SLC1A4: variants seen among roughly 807,000 people sequenced by gnomAD.
SLC1A4 encodes the protein solute carrier family 1 member 4, also known as neutral amino acid transporter A.
Under a neutral mutation model 37.7 loss-of-function variants are expected in SLC1A4, and 19 were observed. The observed-to-expected ratio is 0.50, with a 90% confidence interval of 0.35 to 0.74. The LOEUF (loss-of-function observed/expected upper bound fraction) is 0.74. Among genes scored for constraint, SLC1A4 ranks in the 30% least tolerant of loss-of-function variants. SLC1A4 has a pLI of 0.01. For synonymous variants in SLC1A4, 299 were observed against 309.8 expected, an observed-to-expected ratio of 0.97 and a Z score of 0.37; for missense variants, 570 against 712.9, an observed-to-expected ratio of 0.80 and a Z score of 2.28.
chr2:65,019,120 T>C (rs1299587293), intron 7 of SLC1A4, among the ~76,000 whole-genome samples: 2 of 152,194 alleles, frequency 1.3e-5, no homozygotes, highest in Non-Finnish European at 2.9e-5. Context: ...TGTGAGTGAC[T>C]TGGGCTTGGG....
chr2:65,000,292 C>T (rs1177616700), intron 1 of SLC1A4: 2 of 152,138 alleles, frequency 1.3e-5, no homozygotes, highest in African/African-American at 4.8e-5. Flanking sequence ...AGCTCGATTG[C>T]CCTACTTTTA....
At chr2:65,003,753 G>A (rs912672840) in intron 2 of SLC1A4, among the ~76,000 whole-genome samples, 200 bp from the exon 3 acceptor site, 2 of 152,196 alleles carry the variant, frequency 1.3e-5, no homozygotes, top group Non-Finnish European at 2.9e-5. Flanking sequence ...GAGACCTCTT[G>A]AAGTATCTGC....
chr2:64,989,500 C>T lies in SLC1A4; in HGVS notation c.-144C>T. 2 of 667,110 alleles carry T rather than the reference C, an allele frequency of 3.0e-6. No homozygotes were observed. Among genetic ancestry groups the T allele is most frequent in the South Asian group, 4.0e-5 (1 of 25,156 alleles). 41.3% of individuals were successfully genotyped at this position (667,110 alleles called of 1,614,324 possible). ...TCTCCTCGCCTTTCTCGCACCTGCT[C>T]CTGCGCCAGGCCCGGAGACCCCCGG... On this transcript the variant is annotated 5_prime_UTR_variant, in exon 1 of 8. Transcript: ENST00000234256.
rs997428335 is a variant in SLC1A4 at position 65,018,804 on chromosome 2, A to C, written c.1364+125A>C. On this transcript the variant is annotated intron_variant, in intron 7 of 7. Transcript: ENST00000234256. This position sits in a 1 kb window ranked among gnomAD's most constrained non-coding sequence, Gnocchi z 4.3. ...ACTCCAGCCTTGTGAAGGAGGCTAC[A>C]GTGGAGCTAAAAGGGCAAGATTTAG... 3 of 1,153,294 alleles carry C rather than the reference A, an allele frequency of 2.6e-6. No homozygotes were observed. The highest frequency in any genetic ancestry group is 3.7e-6 in the Non-Finnish European group (3 of 815,262). The allele number at this position is 1,153,294 out of a possible 1,614,324, so 71.4% of individuals were successfully genotyped here.
intron 1 of SLC1A4, among the ~76,000 whole-genome samples, chr2:64,992,939 AC>A (rs1673113902): frequency 6.6e-6 from 1 of 152,216 alleles, no homozygotes; most frequent in African/African-American, 2.4e-5. Flanking sequence ...GTCCCAAGCC[AC>A]CCGGAAATGC....
chr2:65,021,159 T>C lies in SLC1A4; in HGVS notation c.*13T>C. On this transcript the variant is annotated 3_prime_UTR_variant, in exon 8 of 8. Coordinates refer to ENST00000234256, the MANE Select transcript of SLC1A4 (RefSeq NM_003038.5). ...GTCGGTTCTGTGATGGGGCTGGGCT[T>C]TGGGCTTGCCTGCCAGCAGTGATGT... 6.2e-7 allele frequency: 1 copy of C among 1,604,534 alleles called. No individual in the cohort carries two copies.
At chr2:65,009,881 CTG>C (rs1673846350) in intron 3 of SLC1A4, among the ~76,000 whole-genome samples, 1 of 151,822 alleles carries the variant, frequency 6.6e-6, no homozygotes, top group Non-Finnish European at 1.5e-5. Context: ...CAACAAAACT[CTG>C]TGGATATTTA....
At chr2:65,001,061 A>G in intron 1 of SLC1A4, 1 of 175,622 alleles carries the variant, frequency 5.7e-6, no homozygotes, top group Non-Finnish European at 1.2e-5. Context: ...GAGTACCATG[A>G]GAGAGATGGA....
chr2:65,018,794 AG>A lies in SLC1A4; in HGVS notation c.1364+117del. On this transcript the variant is annotated intron_variant, in intron 7 of 7. Transcript: ENST00000234256. This position sits in a 1 kb window ranked among gnomAD's most constrained non-coding sequence, Gnocchi z 4.3. ...CTTCAGACACACTCCAGCCTTGTGA[AG>A]GAGGCTACAGTGGAGCTAAAAGGGC... 8.0e-7 allele frequency: 1 copy of A among 1,254,598 alleles called. No individual in the cohort carries two copies. Among genetic ancestry groups the A allele is most frequent in the Non-Finnish European group, 1.1e-6 (1 of 899,462 alleles). The allele number at this position is 1,254,598 out of a possible 1,614,324, so 77.7% of individuals were successfully genotyped here.
At position 64,989,896 on chromosome 2, in the gene SLC1A4, A is replaced by G. The variant is rs969363795; in HGVS notation, c.253A>G (p.Met85Val). The change falls in exon 1 of 8, where the codon ATG becomes GTG. Residue 85 changes from methionine (M) to valine (V), a missense_variant. Physicochemically the swap from Met to Val is conservative, Grantham distance 21. Transcript: ENST00000234256. Reference sequence around the variant, plus strand: ...CTTCCCCGGCGAGATGCTGCTCCGCATGCTGCGCATGATCATCCTGCCGCT... The same window carrying G: ...CTTCCCCGGCGAGATGCTGCTCCGCGTGCTGCGCATGATCATCCTGCCGCT... The part of the protein sequence containing the change: ...LAFPGEMLLR[M>V]LRMIILPLVV... 1.3e-6 allele frequency: 2 copies of G among 1,552,204 alleles called. No homozygotes were observed. The highest frequency in any genetic ancestry group is 8.7e-7 in the Non-Finnish European group (1 of 1,152,316).
chr2:65,014,331 C>A (rs1386683105), intron 4 of SLC1A4, among the ~76,000 whole-genome samples: 1 of 151,994 alleles, frequency 6.6e-6, no homozygotes, highest in Non-Finnish European at 1.5e-5. Context: ...GTATGTGAAA[C>A]CTGAATTACC....
chr2:64,989,389 C>T (rs1171674556), upstream of SLC1A4: 2 of 356,422 alleles, frequency 5.6e-6, no homozygotes, highest in African/African-American at 2.1e-5. Context: ...TCGCGGCTCC[C>T]GTTTGCATCA....
At chr2:65,007,019 A>G (rs1673703996) in intron 3 of SLC1A4, among the ~76,000 whole-genome samples, 1 of 152,172 alleles carries the variant, frequency 6.6e-6, no homozygotes, top group African/African-American at 2.4e-5. Context: ...ATCCCACGTA[A>G]TAACTTGCCA....
intron 5 of SLC1A4, 27 bp downstream of exon 5, chr2:65,016,700 G>C (rs750771561): frequency 1.4e-6 from 2 of 1,479,190 alleles, no homozygotes; most frequent in South Asian, 2.3e-5. Context: ...TCTCTTCACT[G>C]CTCTGAGCCA....
intron 5 of SLC1A4, 46 bp downstream of exon 5, chr2:65,016,719 T>A (rs1674153485): frequency 7.8e-7 from 1 of 1,286,614 alleles, no homozygotes. Flanking sequence ...CATGTTAACA[T>A]GGAACCAGGT....
chr2:65,003,902 C>T (rs1244661095), intron 2 of SLC1A4, 51 bp from the exon 3 acceptor site: 5 of 1,414,000 alleles, frequency 3.5e-6, no homozygotes, highest in African/African-American at 1.4e-5. Context: ...TCCTCTAGGT[C>T]GGTCTTCACC....
At chr2:65,005,182 T>C (rs1572955595) in intron 3 of SLC1A4, among the ~76,000 whole-genome samples, 1 of 152,216 alleles carries the variant, frequency 6.6e-6, no homozygotes, top group Non-Finnish European at 1.5e-5. Context: ...GACTGTCTGA[T>C]AGGATGCTCT....
intron 1 of SLC1A4, among the ~76,000 whole-genome samples, chr2:64,995,039 C>T (rs1345730256): frequency 6.6e-6 from 1 of 151,994 alleles, no homozygotes; most frequent in African/African-American, 2.4e-5. Flanking sequence ...TTGTCTCAGC[C>T]TAACTAGTGA....
At chr2:64,997,177 C>G (rs1396231446) in intron 1 of SLC1A4, among the ~76,000 whole-genome samples, 5 of 152,066 alleles carry the variant, frequency 3.3e-5, no homozygotes, top group African/African-American at 1.2e-4. Context: ...CTCACTGCCA[C>G]CAGGAGAGCC....
Sources: gnomAD v4.1 joint callset for allele counts (sites outside exome capture counted in the v4.1 genomes callset) on GRCh38, gnomAD v4.1.1 for gene constraint, Gnocchi (gnomAD v3.1) non-coding constraint, MANE v1.5 for transcripts, NCBI Gene and HGNC (gene_info 2026-07-23, HGNC 2026-07-21) for gene names.